ZFR: variants seen among roughly 807,000 people sequenced by gnomAD.
ZFR encodes the protein zinc finger RNA binding protein.
A neutral mutation model predicts 130.7 loss-of-function variants in ZFR; 19 were observed. The observed-to-expected ratio is 0.15, with a 90% confidence interval of 0.10 to 0.21. ZFR has a LOEUF of 0.21. ZFR is among the 10% of genes least tolerant of loss of function. The probability of loss-of-function intolerance (pLI) is 1.00; values close to 1 mark genes in which losing one functional copy is unlikely to be tolerated. For synonymous variants in ZFR, 466 were observed against 456.9 expected (o/e 1.02, Z -0.25); for missense variants, 872 against 1,321.5 (o/e 0.66, Z 5.27).
intron 5 of ZFR, 117 bp downstream of exon 5, chr5:32,414,852 T>C (rs1423852801): frequency 2.2e-6 from 2 of 898,056 alleles, no homozygotes; most frequent in Non-Finnish European, 3.3e-6. Flanking sequence ...TTTATGTCTA[T>C]CAATTAATTT....
At position 32,376,336 on chromosome 5, in the gene ZFR, G is replaced by GA. The variant is rs923448763; in HGVS notation, c.2835+2778dup. Among the ~76,000 whole-genome samples, 10 of 151,708 alleles carry GA rather than the reference G, an allele frequency of 6.6e-5. No individual in the cohort carries two copies. In the South Asian group the frequency reaches 1.7e-3, roughly 25 times the overall value. On this transcript the variant is annotated intron_variant, in intron 17 of 19. Coordinates refer to ENST00000265069, the MANE Select transcript of ZFR (RefSeq NM_016107.5). ...ATATCTATAGAAAATAAAATTCGATGAAAAAAAAGCTCTAAAACAAAGGAG... is the reference window on the plus strand; with the variant it reads ...ATATCTATAGAAAATAAAATTCGATGAAAAAAAAAGCTCTAAAACAAAGGAG...
chr5:32,382,688 C>T (rs1408383640), intron 15 of ZFR, among the ~76,000 whole-genome samples: 1 of 151,972 alleles, frequency 6.6e-6, no homozygotes. Context: ...CGGCTCACTG[C>T]AACCTACACC....
chr5:32,380,673 G>C (rs1249822427), intron 15 of ZFR, among the ~76,000 whole-genome samples: 1 of 51,168 alleles, frequency 2.0e-5, no homozygotes, highest in African/African-American at 8.4e-5. Flanking sequence ...TTTTTTTTTT[G>C]AGACGGAGTG....
chr5:32,407,906 C>T (rs1489509834), intron 5 of ZFR, among the ~76,000 whole-genome samples: 1 of 152,028 alleles, frequency 6.6e-6, no homozygotes, highest in African/African-American at 2.4e-5. Flanking sequence ...GTTGCCTAGG[C>T]CAGACACAGA....
intron 14 of ZFR, among the ~76,000 whole-genome samples, chr5:32,386,254 C>A (rs1258729895): frequency 1.3e-5 from 2 of 152,036 alleles, no homozygotes; most frequent in Admixed American, 6.6e-5. Flanking sequence ...ATTTAACTAT[C>A]CTGCACCTAT....
intron 17 of ZFR, among the ~76,000 whole-genome samples, chr5:32,370,973 A>G (rs1351865787): frequency 6.6e-6 from 1 of 152,274 alleles, no homozygotes; most frequent in African/African-American, 2.4e-5. Context: ...AATACAGTTC[A>G]TAAGAATTTC....
Position 32,355,914 on chromosome 5 carries a change from C to A in ZFR, c.3071G>T (p.Arg1024Leu). Residue 1024 changes from arginine to leucine, a missense_variant, in exon 20 of 20, where the codon CGC becomes CTC. By Grantham distance (102) the Arg-to-Leu change is moderately radical (BLOSUM62 -2). Transcript: ENST00000265069. ...AQFALRLLAF[R>L]QIHKVLGMDP... ...CATGCCTAGAACTTTGTGTATCTGG[C>A]GGAATGCAAGGAGTCTCAATGCAAA... 1.3e-6 allele frequency: 2 copies of A among 1,591,374 alleles called. No individual in the cohort carries two copies. Among genetic ancestry groups the A allele is most frequent in the South Asian group, 1.2e-5 (1 of 86,484 alleles).
intron 1 of ZFR, 132 bp downstream of exon 1, chr5:32,444,490 C>T (rs1365635106): frequency 3.1e-6 from 4 of 1,296,830 alleles, no homozygotes; most frequent in Non-Finnish European, 4.0e-6. Flanking sequence ...CCTCGCACTC[C>T]CTCACTCACT....
At chr5:32,363,788 T>A (rs533487680) in intron 19 of ZFR, among the ~76,000 whole-genome samples, 160 bp downstream of exon 19, 59 of 152,350 alleles carry the variant, frequency 3.9e-4, no homozygotes, top group Admixed American at 1.1e-3. Flanking sequence ...AATCTAGTTT[T>A]GGGCAAGCTA....
At position 32,365,840 on chromosome 5, in the gene ZFR, A is replaced by T. The variant is rs79045269; in HGVS notation, c.2836-1565T>A. On this transcript the variant is annotated intron_variant, in intron 17 of 19. Coordinates refer to ENST00000265069, the MANE Select transcript of ZFR (RefSeq NM_016107.5). ...GTTTTGAACTCCTGGACTCATGTAAACCAACTGCCTTGGCCTCCCAAAGCC... is the reference window on the plus strand; with the variant it reads ...GTTTTGAACTCCTGGACTCATGTAATCCAACTGCCTTGGCCTCCCAAAGCC... 6.4e-3 allele frequency among the ~76,000 whole-genome samples: 969 copies of T among 152,216 alleles called. 38 individuals carry two copies. Among genetic ancestry groups the T allele is most frequent in the Admixed American group, 0.058 (887 of 15,292 alleles).
intron 2 of ZFR, among the ~76,000 whole-genome samples, chr5:32,441,055 C>T (rs1445128291): frequency 6.6e-6 from 1 of 152,166 alleles, no homozygotes; most frequent in African/African-American, 2.4e-5. Flanking sequence ...CTCACTGCAA[C>T]CTCCACCTCC....
intron 16 of ZFR, chr5:32,379,631 C>G (rs1561872423): frequency 4.7e-6 from 1 of 215,028 alleles, no homozygotes; most frequent in African/African-American, 2.4e-5. Context: ...CTAAACCAAA[C>G]AGCTGCTTCC....
chr5:32,394,285 C>A (rs1296501773), intron 11 of ZFR: 5 of 166,300 alleles, frequency 3.0e-5, no homozygotes, highest in Non-Finnish European at 7.3e-5. Flanking sequence ...TCATAAAAGA[C>A]AATGGAATAC....
At position 32,390,424 on chromosome 5, in the gene ZFR, C is replaced by T; in HGVS notation, c.1993G>A (p.Asp665Asn). 1 of 1,613,868 alleles carries T rather than the reference C, an allele frequency of 6.2e-7. No homozygotes were observed. The highest frequency in any genetic ancestry group is 8.5e-7 in the Non-Finnish European group (1 of 1,179,814). The change falls in exon 12 of 20, where the codon GAC becomes AAC. Residue 665 changes from aspartate (D) to asparagine (N), a missense_variant. Around this residue, in one of 7 missense-constraint regions of ZFR, gnomAD observed 225 missense variants for 282.4 expected, o/e 0.80. Coordinates refer to ENST00000265069, the MANE Select transcript of ZFR (RefSeq NM_016107.5). ...WRMEMRRYEE[D>N]MYWRRMEEEQ... Reference sequence around the variant, plus strand: ...TCCTCCATTCTCCTCCAGTACATGTCCTCTTCATAACGTCTGAAACATAAA... The same window carrying T: ...TCCTCCATTCTCCTCCAGTACATGTTCTCTTCATAACGTCTGAAACATAAA...
At chr5:32,378,562 G>A (rs899167630) in intron 17 of ZFR, among the ~76,000 whole-genome samples, 5 of 152,070 alleles carry the variant, frequency 3.3e-5, no homozygotes, top group Admixed American at 2.6e-4. Context: ...TGTACATAAA[G>A]ATAGAAACAT....
intron 12 of ZFR, among the ~76,000 whole-genome samples, chr5:32,389,122 C>A (rs1753104321): frequency 6.6e-6 from 1 of 152,202 alleles, no homozygotes. Context: ...GTAGACTGAA[C>A]TTACACAAGA....
chr5:32,441,079 T>C (rs1754462698), intron 2 of ZFR, among the ~76,000 whole-genome samples: 1 of 152,186 alleles, frequency 6.6e-6, no homozygotes, highest in African/African-American at 2.4e-5. Flanking sequence ...GTTCAAGCGA[T>C]TCTCCTGCCT....
rs1255692371 is a variant in ZFR at position 32,354,721 on chromosome 5, T to C, written c.*1039A>G. ...GTGATGGGGTGTGTGGAGAAGATCA[T>C]CTGTGTTATACTGTAATAGTTGCTA... On this transcript the variant is annotated 3_prime_UTR_variant, in exon 20 of 20. Transcript: ENST00000265069. 2 of 152,624 alleles carry C rather than the reference T, an allele frequency of 1.3e-5. No homozygotes were observed. The highest frequency in any genetic ancestry group is 2.9e-5 in the Non-Finnish European group (2 of 68,034). 9.5% of individuals were successfully genotyped at this position (152,624 alleles called of 1,614,324 possible). A position where few individuals can be genotyped will look rare whatever the true frequency, so the allele number is the denominator to read the frequency against.
At chr5:32,435,845 A>G (rs1754319837) in intron 2 of ZFR, among the ~76,000 whole-genome samples, 1 of 152,146 alleles carries the variant, frequency 6.6e-6, no homozygotes. Flanking sequence ...TGACCTCTGG[A>G]GCTCTTAAGT....
Sources: allele counts gnomAD v4.1 joint callset (sites outside exome capture counted in the v4.1 genomes callset), GRCh38; gene constraint gnomAD v4.1.1; regional missense constraint gnomAD v4.1.1; transcripts MANE v1.5; gene names NCBI Gene and HGNC (gene_info 2026-07-23, HGNC 2026-07-21).